SPAG16: variants seen among roughly 807,000 people sequenced by gnomAD.
SPAG16 encodes sperm-associated antigen 16 protein.
In SPAG16, 86 loss-of-function variants were observed where a neutral mutation model predicts 80.4. That is an observed-to-expected ratio of 1.07 (90% CI 0.90 to 1.28). The LOEUF (loss-of-function observed/expected upper bound fraction) is 1.28. Ranked by LOEUF, SPAG16 falls within the 50% of genes most tolerant of loss-of-function variation. The pLI, the probability that SPAG16 is intolerant of heterozygous loss-of-function variation, is 0.00. For missense variants in SPAG16, 870 were observed against 765.3 expected (o/e 1.14, Z -1.61); for synonymous variants, 294 against 265.9 (o/e 1.11, Z -1.03).
chr2:213,979,564 T>C (rs949633939), intron 12 of SPAG16, among the ~76,000 whole-genome samples: 6 of 151,956 alleles, frequency 3.9e-5, no homozygotes, highest in Non-Finnish European at 5.9e-5. Flanking sequence ...GCATGGGAAA[T>C]GCCAGACACT....
intron 10 of SPAG16, among the ~76,000 whole-genome samples, chr2:213,641,973 C>T (rs1311229871): frequency 1.3e-5 from 2 of 152,202 alleles, no homozygotes; most frequent in East Asian, 3.9e-4. Context: ...AAGTCACTCA[C>T]TATCATGAGA....
At chr2:213,370,031 A>G (rs1284912102) in intron 8 of SPAG16, among the ~76,000 whole-genome samples, 3 of 152,040 alleles carry the variant, frequency 2.0e-5, no homozygotes, top group Non-Finnish European at 2.9e-5. Flanking sequence ...TGCCCTAAAA[A>G]CCTTTTGTGC....
intron 15 of SPAG16, among the ~76,000 whole-genome samples, chr2:214,344,197 T>C (rs1697909524): frequency 6.6e-6 from 1 of 152,128 alleles, no homozygotes; most frequent in Non-Finnish European, 1.5e-5. Context: ...TTCAAAACCT[T>C]ACTTTCTTGT....
intron 10 of SPAG16, among the ~76,000 whole-genome samples, chr2:213,668,618 A>G (rs1266634494): frequency 6.6e-6 from 1 of 151,582 alleles, no homozygotes; most frequent in Admixed American, 6.6e-5. Context: ...GAAATATAAT[A>G]GTGTTTTTTT....
At chr2:213,513,504 A>G (rs2075309520) in intron 10 of SPAG16, among the ~76,000 whole-genome samples, 1 of 151,850 alleles carries the variant, frequency 6.6e-6, no homozygotes, top group African/African-American at 2.4e-5. Flanking sequence ...TTTTTTTGCA[A>G]GTGGTGACCC....
intron 9 of SPAG16, among the ~76,000 whole-genome samples, chr2:213,446,790 A>G (rs1197400324): frequency 6.6e-6 from 1 of 152,184 alleles, no homozygotes; most frequent in Admixed American, 6.5e-5. Context: ...CAGGAGAGGA[A>G]GGCACTGCAT....
At chr2:213,877,204 T>C (rs1455047252) in intron 11 of SPAG16, among the ~76,000 whole-genome samples, 1 of 152,162 alleles carries the variant, frequency 6.6e-6, no homozygotes, top group African/African-American at 2.4e-5. Context: ...CAAATCCACT[T>C]ATTAAGGATA....
chr2:213,894,458 G>A (rs1162784951), intron 11 of SPAG16, among the ~76,000 whole-genome samples: 1 of 152,080 alleles, frequency 6.6e-6, no homozygotes, highest in Admixed American at 6.6e-5. Context: ...AATAAAGGCT[G>A]CATATGACAA....
At chr2:214,099,113 G>A (rs1279395385) in intron 13 of SPAG16, among the ~76,000 whole-genome samples, 1 of 152,084 alleles carries the variant, frequency 6.6e-6, no homozygotes, top group Non-Finnish European at 1.5e-5. Flanking sequence ...TTACTTGTAA[G>A]CAGGGCTGTA....
chr2:213,612,178 CTT>C (rs1197875601), intron 10 of SPAG16, among the ~76,000 whole-genome samples: 1 of 151,958 alleles, frequency 6.6e-6, no homozygotes, highest in African/African-American at 2.4e-5. Context: ...TGTTATGTCT[CTT>C]ATCTTTAGTT....
rs2063123219 is a variant in SPAG16 at position 213,310,168 on chromosome 2, A to G, written c.389A>G (p.Gln130Arg). ...ATGACCAGAACTCTTGATTGCTTTC[A>G]GTCTGAATGGTAAACAATTATGTAG... ...MGMTRTLDCF[Q>R]SEWYELIQKG... Residue 130 changes from glutamine (Q) to arginine (R), a missense_variant, in exon 4 of 16, where the codon CAG becomes CGG. Transcript: ENST00000331683. 3 of 1,596,220 alleles carry G rather than the reference A, an allele frequency of 1.9e-6. No homozygotes were observed. The highest frequency in any genetic ancestry group is 2.6e-6 in the Non-Finnish European group (3 of 1,166,284).
chr2:213,465,911 G>C (rs2072661797), intron 9 of SPAG16, among the ~76,000 whole-genome samples: 1 of 152,198 alleles, frequency 6.6e-6, no homozygotes, highest in Non-Finnish European at 1.5e-5. Context: ...GTGTGTGTTT[G>C]ATGGTGTTGC....
chr2:214,407,027 G>T (rs147395055), intron 15 of SPAG16, among the ~76,000 whole-genome samples: 2 of 151,938 alleles, frequency 1.3e-5, no homozygotes, highest in East Asian at 3.9e-4. Flanking sequence ...TCCATTCTGT[G>T]AAAAGTATGA....
At chr2:213,872,251 C>T (rs182424688) in intron 11 of SPAG16, among the ~76,000 whole-genome samples, 7 of 152,202 alleles carry the variant, frequency 4.6e-5, no homozygotes, top group African/African-American at 1.7e-4. Flanking sequence ...CAAGAGAGAA[C>T]CAGCTCTTAT....
intron 10 of SPAG16, among the ~76,000 whole-genome samples, chr2:213,824,821 T>A (rs1449694738): frequency 6.6e-6 from 1 of 152,194 alleles, no homozygotes; most frequent in Non-Finnish European, 1.5e-5. Flanking sequence ...TAGATTTCTT[T>A]GGGTAATATG....
At chr2:213,991,964 C>T (rs111411020) in intron 12 of SPAG16, among the ~76,000 whole-genome samples, 4,816 of 151,846 alleles carry the variant, frequency 0.032, 241 homozygotes, top group African/African-American at 0.11. Flanking sequence ...CATGTTGCTG[C>T]GAGTAGGGCA....
intron 11 of SPAG16, among the ~76,000 whole-genome samples, chr2:213,895,281 A>G (rs551853212): frequency 2.0e-5 from 3 of 152,286 alleles, no homozygotes; most frequent in South Asian, 4.1e-4. Flanking sequence ...GACAGAAACA[A>G]ATGAAAAGAT....
intron 15 of SPAG16, among the ~76,000 whole-genome samples, chr2:214,160,996 TTTAGA>T (rs2056412685): frequency 6.6e-6 from 1 of 152,058 alleles, no homozygotes. Context: ...AATTGAAATA[TTTAGA>T]TTATATTGAG....
intron 5 of SPAG16, among the ~76,000 whole-genome samples, chr2:213,319,684 T>C (rs1201427832): frequency 6.6e-6 from 1 of 152,010 alleles, no homozygotes; most frequent in Non-Finnish European, 1.5e-5. Context: ...TTGAGTTTGC[T>C]AATTTTCTTT....
Sources: allele counts gnomAD v4.1 joint callset (sites outside exome capture counted in the v4.1 genomes callset), GRCh38; gene constraint gnomAD v4.1.1; transcripts MANE v1.5; gene names NCBI Gene and HGNC (gene_info 2026-07-23, HGNC 2026-07-21).